The following DIP2C variants were observed in gnomAD, a reference collection of about 807,000 sequenced individuals.
DIP2C encodes the protein disco-interacting protein 2 homolog C.
A neutral mutation model predicts 192.4 loss-of-function variants in DIP2C; 33 were observed. The observed-to-expected ratio is 0.17, with a 90% CI of 0.13 to 0.23. DIP2C has a LOEUF of 0.23. DIP2C is among the 10% of genes least tolerant of loss of function. The probability of loss-of-function intolerance (pLI) is 1.00; values close to 1 mark genes in which losing one functional copy is unlikely to be tolerated. For synonymous variants in DIP2C, 979 were observed against 864.1 expected (o/e 1.13, Z -2.33); for missense variants, 1,537 against 2,110.1 (o/e 0.73, Z 5.32).
In DIP2C at chr10:486,523, G is replaced by C; in HGVS notation, c.93C>G (p.Ile31Met). ...ELELELSEGD[I>M]TQKGYEKKRS... is the part of the protein sequence containing the mutation. ...TCTTCTTTTCATATCCTTTTTGTGT[G>C]ATGTCACCTGCAAGAGAAGGAAAAT... The change falls in exon 2 of 37, where the codon ATC becomes ATG. Residue 31 changes from isoleucine (I) to methionine (M), a missense_variant. Ile to Met is a conservative substitution (Grantham distance 10). This residue lies in a region of DIP2C where 473 missense variants were observed against 539.6 expected (regional missense o/e 0.88). Coordinates refer to ENST00000280886, the MANE Select transcript of DIP2C (RefSeq NM_014974.3). 1 of 1,605,314 alleles carries C rather than the reference G, an allele frequency of 6.2e-7. No homozygotes were observed. Among genetic ancestry groups the C allele is most frequent in the South Asian group, 1.1e-5 (1 of 89,170 alleles).
At chr10:542,167 C>A (rs1337777066) in intron 1 of DIP2C, among the ~76,000 whole-genome samples, 4 of 152,186 alleles carry the variant, frequency 2.6e-5, no homozygotes, top group Non-Finnish European at 4.4e-5. Flanking sequence ...ACCTCCCCCA[C>A]CCTGTGACGG....
chr10:636,353 T>C lies in DIP2C; in HGVS notation c.85+53141A>G, dbSNP rs1421125912. On this transcript the variant is annotated intron_variant, in intron 1 of 36. Coordinates refer to ENST00000280886, the MANE Select transcript of DIP2C (RefSeq NM_014974.3). The surrounding 1 kb of genome is among the most constrained non-coding windows in gnomAD (Gnocchi z 4.6). ...AAAAGTGGAAGAACAGTACAATGAG[T>C]GGCCAAGTTTTCTCCACGTGGAGTT... Among the ~76,000 whole-genome samples, 1 of 152,008 alleles carries C rather than the reference T, an allele frequency of 6.6e-6. No homozygotes were observed. The highest frequency in any genetic ancestry group is 1.5e-5 in the Non-Finnish European group (1 of 67,996).
intron 6 of DIP2C, among the ~76,000 whole-genome samples, chr10:418,846 T>G (rs1414990793): frequency 6.6e-6 from 1 of 152,250 alleles, no homozygotes; most frequent in Non-Finnish European, 1.5e-5. Context: ...CTACAACATT[T>G]ACATTTTTCC....
At chr10:673,482 A>T (rs1830743120) in intron 1 of DIP2C, among the ~76,000 whole-genome samples, 1 of 152,178 alleles carries the variant, frequency 6.6e-6, no homozygotes, top group Non-Finnish European at 1.5e-5. Context: ...ATTGCTCTTC[A>T]TCCCACATCA....
In DIP2C at chr10:349,423, T is replaced by A; in HGVS notation, c.3017A>T (p.Gln1006Leu). 1.2e-6 allele frequency: 2 copies of A among 1,610,044 alleles called. No individual in the cohort carries two copies. Among genetic ancestry groups the A allele is most frequent in the Non-Finnish European group, 1.7e-6 (2 of 1,179,086 alleles). The change falls in exon 25 of 37, where the codon CAG becomes CTG. Residue 1006 changes from glutamine (Q) to leucine (L), a missense_variant. This residue lies in a region of DIP2C where 677 missense variants were observed against 989.9 expected (regional missense o/e 0.68). Coordinates refer to ENST00000280886, the MANE Select transcript of DIP2C (RefSeq NM_014974.3). ...GAIANSLTCV[Q>L]LHKRAEKIAV... ...GATCTTCTCAGCTCTCTTGTGCAGC[T>A]GCACGCAGGTCAGCGAGTTCGCTAT...
At chr10:417,832 C>A (rs1211293257) in intron 6 of DIP2C, among the ~76,000 whole-genome samples, 1 of 93,784 alleles carries the variant, frequency 1.1e-5, no homozygotes, top group African/African-American at 5.5e-5. Context: ...GCGGACAGGC[C>A]TCCCTGTCCA....
At chr10:548,208 A>ACCCCCCC (rs33930610) in intron 1 of DIP2C, among the ~76,000 whole-genome samples, 11 of 58,258 alleles carry the variant, frequency 1.9e-4, no homozygotes, top group African/African-American at 7.0e-4. Context: ...AGTCTGCCCC[A>ACCCCCCC]CCCCCCCCCC....
chr10:296,441 G>A (rs1379410114), intron 32 of DIP2C, among the ~76,000 whole-genome samples: 1 of 152,076 alleles, frequency 6.6e-6, no homozygotes, highest in African/African-American at 2.4e-5. Flanking sequence ...CTGTTGGTGG[G>A]ACTGTAAACT....
In DIP2C at chr10:390,822, A is replaced by G. The variant is rs1445581401; in HGVS notation, c.1302T>C (p.Cys434=). The G allele has an allele frequency of 6.2e-7, 1 of 1,613,950 alleles. No homozygotes were observed. The highest frequency in any genetic ancestry group is 2.2e-5 in the East Asian group (1 of 44,888). Residue 434 remains cysteine (C), a synonymous_variant, in exon 11 of 37, where the codon TGT becomes TGC. Transcript: ENST00000280886. The part of the protein sequence containing the change: ...SQQIGFLLGS[C]GVTVALTSDA... ...CACTAGTCAAGGCTACAGTAACTCCACAGCTTCCAAGCAAGAAACCTATCT... is the reference window on the plus strand; with the variant it reads ...CACTAGTCAAGGCTACAGTAACTCCGCAGCTTCCAAGCAAGAAACCTATCT...
chr10:304,555 G>GCACACACACA (rs56181109), intron 32 of DIP2C, among the ~76,000 whole-genome samples: 70 of 150,570 alleles, frequency 4.6e-4, no homozygotes, highest in African/African-American at 1.5e-3. Context: ...GCACACGAAT[G>GCACACACACA]CACACACACA....
At chr10:539,457 G>A (rs1325728944) in intron 1 of DIP2C, among the ~76,000 whole-genome samples, 1 of 152,216 alleles carries the variant, frequency 6.6e-6, no homozygotes, top group African/African-American at 2.4e-5. Context: ...ATGTGCATAT[G>A]TCATATGCAA....
At chr10:299,242 C>G (rs1316446190) in intron 32 of DIP2C, among the ~76,000 whole-genome samples, 1 of 152,204 alleles carries the variant, frequency 6.6e-6, no homozygotes, top group Non-Finnish European at 1.5e-5. Flanking sequence ...TCTTACAGAA[C>G]AGTTATCAGT....
At chr10:343,438 A>C (rs972168036) in intron 28 of DIP2C, among the ~76,000 whole-genome samples, 1 of 152,184 alleles carries the variant, frequency 6.6e-6, no homozygotes, top group African/African-American at 2.4e-5. Context: ...GAGGTGAGAG[A>C]ACTTGGAGGT....
chr10:374,296 TAAG>T (rs1250658436), intron 17 of DIP2C, among the ~76,000 whole-genome samples: 3 of 152,236 alleles, frequency 2.0e-5, no homozygotes, highest in Admixed American at 6.5e-5. Flanking sequence ...CTTAAATTTT[TAAG>T]AAGACCTAAA....
intron 5 of DIP2C, 55 bp downstream of exon 5, chr10:422,769 A>C (rs1966287079): frequency 6.4e-7 from 1 of 1,558,640 alleles, no homozygotes; most frequent in East Asian, 2.3e-5. Flanking sequence ...GAGAATGTGC[A>C]CACACAAAGG....
chr10:511,048 G>A (rs1367774253), intron 1 of DIP2C, among the ~76,000 whole-genome samples: 1 of 152,212 alleles, frequency 6.6e-6, no homozygotes, highest in Non-Finnish European at 1.5e-5. Flanking sequence ...TTGTTCAAGA[G>A]GTTTAAGACA....
intron 17 of DIP2C, among the ~76,000 whole-genome samples, chr10:378,411 G>A (rs1961898385): frequency 6.6e-6 from 1 of 152,176 alleles, no homozygotes. Context: ...AGACAGACAT[G>A]AAGGCATGCA....
intron 1 of DIP2C, among the ~76,000 whole-genome samples, chr10:572,176 G>A (rs571134046): frequency 6.6e-6 from 1 of 152,340 alleles, no homozygotes; most frequent in East Asian, 1.9e-4. Context: ...ACAGCCTCAT[G>A]GCTCCACACG....
chr10:513,654 A>G (rs962205635), intron 1 of DIP2C, among the ~76,000 whole-genome samples: 1 of 152,142 alleles, frequency 6.6e-6, no homozygotes, highest in East Asian at 1.9e-4. Flanking sequence ...CCAAGAAGGA[A>G]ATGAAAAGTA....
Sources: allele counts gnomAD v4.1 joint callset (sites outside exome capture counted in the v4.1 genomes callset), GRCh38; gene constraint gnomAD v4.1.1; regional missense constraint gnomAD v4.1.1; non-coding constraint Gnocchi (gnomAD v3.1); transcripts MANE v1.5; gene names NCBI Gene and HGNC (gene_info 2026-07-23, HGNC 2026-07-21).